Variants in ZNHIT6 observed in about 807,000 individuals in gnomAD.
The protein encoded by ZNHIT6 is box C/D snoRNA protein 1.
Under a neutral mutation model 57.2 loss-of-function variants are expected in ZNHIT6, and 45 were observed. That is an observed-to-expected ratio of 0.79 (90% CI 0.62 to 1.01). The LOEUF (loss-of-function observed/expected upper bound fraction) is 1.01, where lower values mean the gene tolerates loss of function less well. ZNHIT6 is among the 50% of genes least tolerant of loss of function. The pLI, the probability that ZNHIT6 is intolerant of heterozygous loss-of-function variation, is 0.00. For missense variants in ZNHIT6, 528 were observed against 567.3 expected (o/e 0.93, Z 0.70); for synonymous variants, 188 against 190.0 (o/e 0.99, Z 0.09).
rs1013578027 is a variant in ZNHIT6 at position 85,665,959 on chromosome 1, G to A, written c.1248-7988C>T. Among the ~76,000 whole-genome samples the A allele has an allele frequency of 9.2e-5, 14 of 152,248 alleles. 1 individual carries two copies. The highest frequency in any genetic ancestry group is 6.5e-4 in the Admixed American group (10 of 15,292). On this transcript the variant is annotated intron_variant, in intron 8 of 9. Coordinates refer to ENST00000370574, the MANE Select transcript of ZNHIT6 (RefSeq NM_017953.4). ...CCTGAGAAGTTAAGTATCTTACTCA[G>A]GGTCTCTCAAGAAAATGGAGAGTTG...
intron 8 of ZNHIT6, among the ~76,000 whole-genome samples, chr1:85,658,650 T>C (rs1661133964): frequency 6.6e-6 from 1 of 152,034 alleles, no homozygotes; most frequent in South Asian, 2.1e-4. Context: ...GGTGGGTGGA[T>C]CACCTGAGGT....
intron 5 of ZNHIT6, among the ~76,000 whole-genome samples, chr1:85,696,109 A>G (rs1480187049): frequency 2.0e-5 from 3 of 152,164 alleles, no homozygotes; most frequent in Non-Finnish European, 4.4e-5. Context: ...TATATCAAAT[A>G]GAACTCATAT....
chr1:85,662,330 G>C (rs780011868), intron 8 of ZNHIT6, among the ~76,000 whole-genome samples: 2 of 151,940 alleles, frequency 1.3e-5, no homozygotes, highest in Non-Finnish European at 2.9e-5. Flanking sequence ...CAATCTAGTA[G>C]CAGGCCCTAG....
intron 5 of ZNHIT6, among the ~76,000 whole-genome samples, chr1:85,689,112 G>A (rs1286248756): frequency 6.6e-6 from 1 of 152,160 alleles, no homozygotes; most frequent in Non-Finnish European, 1.5e-5. Context: ...ATGACATCTG[G>A]AAGCAGCGAA....
intron 9 of ZNHIT6, among the ~76,000 whole-genome samples, chr1:85,655,325 T>C (rs1661031941): frequency 6.6e-6 from 1 of 152,062 alleles, no homozygotes; most frequent in Non-Finnish European, 1.5e-5. Flanking sequence ...TAAGGAAGAA[T>C]GAGGAAAGGT....
In ZNHIT6 at chr1:85,651,999, T is replaced by C. The variant is rs1478449783; in HGVS notation, c.*2059A>G. On this transcript the variant is annotated 3_prime_UTR_variant, in exon 10 of 10. Transcript: ENST00000370574. ...AGTTATATTCTTTCCTAATAGCCTATAATTGAAAAGTCTAATAGAATTCTA... is the reference window on the plus strand; with the variant it reads ...AGTTATATTCTTTCCTAATAGCCTACAATTGAAAAGTCTAATAGAATTCTA... 2 of 152,216 alleles carry C rather than the reference T, an allele frequency of 1.3e-5. No individual in the cohort carries two copies. The highest frequency in any genetic ancestry group is 2.9e-5 in the Non-Finnish European group (2 of 68,046). 9.4% of individuals were successfully genotyped at this position (152,216 alleles called of 1,614,324 possible). A position where few individuals can be genotyped will look rare whatever the true frequency, so the allele number is the denominator to read the frequency against.
intron 5 of ZNHIT6, among the ~76,000 whole-genome samples, chr1:85,698,980 CATTTA>C (rs1320949303): frequency 6.6e-6 from 1 of 152,074 alleles, no homozygotes; most frequent in Admixed American, 6.5e-5. Flanking sequence ...ATTAAAATTT[CATTTA>C]ATCCTCTCAA....
Position 85,706,536 on chromosome 1 carries a change from T to C in ZNHIT6, c.657-29A>G, listed in dbSNP as rs1036926611. The C allele has an allele frequency of 2.0e-6, 3 of 1,504,420 alleles. No individual in the cohort carries two copies. The African/African-American group carries it at 4.3e-5, about 21-fold the overall frequency. 93.2% of individuals were successfully genotyped at this position (1,504,420 alleles called of 1,614,324 possible). On this transcript the variant is annotated intron_variant, in intron 1 of 9. Coordinates refer to ENST00000370574, the MANE Select transcript of ZNHIT6 (RefSeq NM_017953.4). ...CAAAAGCCCACATGTAACATTAAAT[T>C]ATCAAATATTAATTGTATTTATTTA...
At chr1:85,697,993 C>A (rs1342754400) in intron 5 of ZNHIT6, among the ~76,000 whole-genome samples, 1 of 152,080 alleles carries the variant, frequency 6.6e-6, no homozygotes, top group Non-Finnish European at 1.5e-5. Context: ...TCTGAAAAAG[C>A]CACTATTTTA....
chr1:85,656,537 C>T (rs903413073), intron 9 of ZNHIT6, among the ~76,000 whole-genome samples: 2 of 152,122 alleles, frequency 1.3e-5, no homozygotes, highest in African/African-American at 4.8e-5. Flanking sequence ...TACTAACCTA[C>T]ATTACTAAAC....
intron 4 of ZNHIT6, among the ~76,000 whole-genome samples, chr1:85,705,676 T>A (rs952977064): frequency 1.3e-5 from 2 of 152,212 alleles, no homozygotes; most frequent in Non-Finnish European, 2.9e-5. Flanking sequence ...TGCCTCCAAA[T>A]GTTCACATGA....
chr1:85,685,212 G>C (rs544383886), intron 5 of ZNHIT6, among the ~76,000 whole-genome samples: 35 of 152,038 alleles, frequency 2.3e-4, no homozygotes, highest in African/African-American at 8.2e-4. Flanking sequence ...GAAATAATTG[G>C]TCAAGTAATG....
intron 5 of ZNHIT6, among the ~76,000 whole-genome samples, chr1:85,692,288 G>C (rs912628530): frequency 1.3e-5 from 2 of 152,154 alleles, no homozygotes; most frequent in Non-Finnish European, 2.9e-5. Flanking sequence ...CAAGATGATC[G>C]AGTGTTTGGC....
chr1:85,672,040 T>C (rs1661569041), intron 8 of ZNHIT6, among the ~76,000 whole-genome samples: 1 of 152,176 alleles, frequency 6.6e-6, no homozygotes, highest in Non-Finnish European at 1.5e-5. Flanking sequence ...AAGGATAATA[T>C]TACTATTTTT....
chr1:85,677,392 G>T (rs1661734313), intron 7 of ZNHIT6, 79 bp from the exon 8 acceptor site: 3 of 1,106,516 alleles, frequency 2.7e-6, no homozygotes, highest in Non-Finnish European at 3.9e-6. Context: ...CTAAGCATTT[G>T]TACCTAATAA....
intron 5 of ZNHIT6, among the ~76,000 whole-genome samples, chr1:85,684,510 G>T (rs1661970085): frequency 6.6e-6 from 1 of 152,060 alleles, no homozygotes; most frequent in Non-Finnish European, 1.5e-5. Context: ...TGTATCTATG[G>T]TATCAAAATA....
chr1:85,680,850 C>T lies in ZNHIT6; in HGVS notation c.1074G>A (p.Glu358=), dbSNP rs150582544. The T allele has an allele frequency of 1.0e-4, 169 of 1,611,838 alleles. No homozygotes were observed. The African/African-American group carries it at 1.9e-3, about 18-fold the overall frequency. The change falls in exon 6 of 10, where the codon GAG becomes GAA. Residue 358 remains glutamate, a synonymous_variant. Transcript: ENST00000370574. ...AGCAGTGATACCTTTTTTCTATGTA[C>T]TCAGCTTGACTTTGAGGAAACTGGA... is the stretch of plus-strand genomic sequence containing the variant. ...VKLQFPQSQA[E]YIEKRVPDDK... is the part of the protein sequence containing the mutation.
Position 85,681,191 on chromosome 1 carries a change from T to C in ZNHIT6, c.1020-287A>G, listed in dbSNP as rs3767161. 5.9e-3 allele frequency among the ~76,000 whole-genome samples: 900 copies of C among 152,330 alleles called. 39 individuals carry two copies. In the East Asian group the frequency reaches 0.12, roughly 20 times the overall value. ...ACTATTTGAAGTTTACAAATAAATT[T>C]CCTCATGACTAAATACAATGAGCTG... is the stretch of plus-strand genomic sequence containing the variant. On this transcript the variant is annotated intron_variant, in intron 5 of 9. Coordinates refer to ENST00000370574, the MANE Select transcript of ZNHIT6 (RefSeq NM_017953.4).
Position 85,668,736 on chromosome 1 carries a change from C to G in ZNHIT6, c.1247+8500G>C, listed in dbSNP as rs1310407614. On this transcript the variant is annotated intron_variant, in intron 8 of 9. Transcript: ENST00000370574. The stretch of plus-strand genomic sequence containing the variant: ...ATTTTCCATTTCTAGTTCAATTAGG[C>G]AAAGAGCACAGACTAATCTTTAAGG... Among the ~76,000 whole-genome samples, 14 of 152,120 alleles carry G rather than the reference C, an allele frequency of 9.2e-5. No individual in the cohort carries two copies. The East Asian group carries it at 1.9e-3, about 21-fold the overall frequency.
Sources: allele counts gnomAD v4.1 joint callset (sites outside exome capture counted in the v4.1 genomes callset), GRCh38; gene constraint gnomAD v4.1.1; transcripts MANE v1.5; gene names NCBI Gene and HGNC (gene_info 2026-07-23, HGNC 2026-07-21).